Variants in MGAT4C observed in about 807,000 individuals in gnomAD.
The protein encoded by MGAT4C is MGAT4 family member C, also known as alpha-1,3-mannosyl-glycoprotein 4-beta-N-acetylglucosaminyltransferase C.
MGAT4C carries 19 observed loss-of-function variants against 40.1 expected under a neutral mutation model. The ratio of observed to expected loss-of-function variants is 0.47; its 90% CI spans 0.33 to 0.70. MGAT4C has a LOEUF of 0.70. MGAT4C is among the 30% of genes least tolerant of loss of function. The probability of loss-of-function intolerance (pLI) is 0.02; values close to 1 mark genes in which losing one functional copy is unlikely to be tolerated. For synonymous variants in MGAT4C, 181 were observed against 187.1 expected, an observed-to-expected ratio of 0.97 and a Z score of 0.27; for missense variants, 491 against 563.2, an observed-to-expected ratio of 0.87 and a Z score of 1.30.
intron 1 of MGAT4C, among the ~76,000 whole-genome samples, chr12:86,814,990 T>C (rs1033774975): frequency 2.0e-5 from 3 of 151,948 alleles, no homozygotes; most frequent in Non-Finnish European, 4.4e-5. Flanking sequence ...AAATCAATTA[T>C]AAAATGAAAA....
chr12:86,724,708 C>T (rs1361678938), intron 2 of MGAT4C, among the ~76,000 whole-genome samples: 1 of 152,168 alleles, frequency 6.6e-6, no homozygotes, highest in Non-Finnish European at 1.5e-5. Context: ...ATAATGTCAA[C>T]ATAAGTTATT....
chr12:86,610,292 TAAC>T (rs1962202016), intron 2 of MGAT4C, among the ~76,000 whole-genome samples: 1 of 152,158 alleles, frequency 6.6e-6, no homozygotes, highest in Non-Finnish European at 1.5e-5. Flanking sequence ...GCTGATAAAT[TAAC>T]TACTATACTT....
At chr12:86,097,470 C>A (rs1874144974) in intron 1 of MGAT4C, among the ~76,000 whole-genome samples, 1 of 151,512 alleles carries the variant, frequency 6.6e-6, no homozygotes, top group Non-Finnish European at 1.5e-5. Context: ...GGACATTACT[C>A]TTTTCAATAT....
rs150458399 is a variant in MGAT4C at position 86,820,106 on chromosome 12, G to A, written c.-262+18560C>T. ...AAAAATAAAGATGCCTTTAATCTGA[G>A]CATCATCTAACAAGATTTAAGATAA... On this transcript the variant is annotated intron_variant, in intron 1 of 7. Coordinates refer to the MGAT4C transcript ENST00000548651. Among the ~76,000 whole-genome samples, 593 of 150,808 alleles carry A rather than the reference G, an allele frequency of 3.9e-3. 2 individuals are homozygous for A. Among genetic ancestry groups the A allele is most frequent in the African/African-American group, 0.014 (580 of 41,434 alleles).
At chr12:86,827,497 T>A (rs1461923793) in intron 1 of MGAT4C, among the ~76,000 whole-genome samples, 3 of 151,440 alleles carry the variant, frequency 2.0e-5, no homozygotes, top group Non-Finnish European at 4.4e-5. Context: ...AAGTCATGAG[T>A]ATACTTGTAG....
chr12:86,811,640 C>A (rs1292215713), intron 1 of MGAT4C, among the ~76,000 whole-genome samples: 1 of 151,446 alleles, frequency 6.6e-6, no homozygotes, highest in Admixed American at 6.6e-5. Context: ...ACGTGCCCAG[C>A]CAGTATTCTA....
chr12:86,120,008 C>A (rs954510634), intron 1 of MGAT4C, among the ~76,000 whole-genome samples: 2 of 151,614 alleles, frequency 1.3e-5, no homozygotes, highest in African/African-American at 4.8e-5. Flanking sequence ...TTATTCAAAT[C>A]TTATTCAAAA....
chr12:85,983,329 A>T (rs1018960244), intron 4 of MGAT4C, among the ~76,000 whole-genome samples, 194 bp downstream of exon 4: 2 of 152,098 alleles, frequency 1.3e-5, no homozygotes, highest in African/African-American at 4.8e-5. Context: ...ATTTTATTTA[A>T]TTTTTTTGTT....
chr12:86,015,235 G>A (rs901215007), intron 2 of MGAT4C, among the ~76,000 whole-genome samples: 5 of 148,038 alleles, frequency 3.4e-5, no homozygotes, highest in South Asian at 2.2e-4. Flanking sequence ...CGGTTTTTCC[G>A]CAATTACTTT....
intron 2 of MGAT4C, among the ~76,000 whole-genome samples, chr12:86,489,233 C>T (rs981375243): frequency 6.6e-6 from 1 of 152,154 alleles, no homozygotes; most frequent in Non-Finnish European, 1.5e-5. Flanking sequence ...AGAGAGGTGG[C>T]TTGACTTCAG....
chr12:86,543,560 C>T (rs1370879852), intron 2 of MGAT4C, among the ~76,000 whole-genome samples: 1 of 151,712 alleles, frequency 6.6e-6, no homozygotes, highest in African/African-American at 2.4e-5. Flanking sequence ...AGTACTTTTT[C>T]CACAATTGCA....
At chr12:86,833,819 G>T (rs1431353621) in intron 1 of MGAT4C, among the ~76,000 whole-genome samples, 3 of 151,780 alleles carry the variant, frequency 2.0e-5, no homozygotes, top group African/African-American at 4.8e-5. Context: ...GGAAGCCTGA[G>T]AAGGGTACAC....
intron 1 of MGAT4C, among the ~76,000 whole-genome samples, chr12:86,799,916 T>C (rs1332435534): frequency 6.6e-6 from 1 of 151,858 alleles, no homozygotes; most frequent in Admixed American, 6.6e-5. Context: ...CATCTTCCTT[T>C]GTGTTATATA....
At chr12:86,135,076 T>C (rs1402810602) in intron 1 of MGAT4C, among the ~76,000 whole-genome samples, 2 of 152,160 alleles carry the variant, frequency 1.3e-5, no homozygotes, top group Admixed American at 1.3e-4. Flanking sequence ...ACTATACCTG[T>C]TTTATTTCTT....
intron 4 of MGAT4C, among the ~76,000 whole-genome samples, chr12:86,296,536 G>A (rs958216870): frequency 3.3e-5 from 5 of 152,212 alleles, no homozygotes; most frequent in Admixed American, 2.6e-4. Context: ...TGCAGGTCCC[G>A]AGGCCTGCCC....
At chr12:86,711,748 G>T (rs930882051) in intron 2 of MGAT4C, among the ~76,000 whole-genome samples, 9 of 152,086 alleles carry the variant, frequency 5.9e-5, no homozygotes, top group Middle Eastern at 3.2e-3. Flanking sequence ...CAAAAACGAA[G>T]AATTTAATAT....
intron 2 of MGAT4C, among the ~76,000 whole-genome samples, chr12:86,504,353 C>T (rs76483801): frequency 0.01 from 1,565 of 152,132 alleles, 18 homozygotes; most frequent in East Asian, 0.045. Flanking sequence ...TTCATAGAAG[C>T]AATTATCCAT....
At chr12:86,049,195 C>T (rs1470657278) in intron 2 of MGAT4C, among the ~76,000 whole-genome samples, 1 of 151,934 alleles carries the variant, frequency 6.6e-6, no homozygotes, top group Admixed American at 6.6e-5. Flanking sequence ...AGCAAAACTA[C>T]TCATTAACAC....
intron 1 of MGAT4C, among the ~76,000 whole-genome samples, chr12:86,205,497 A>G (rs1294165891): frequency 6.6e-6 from 1 of 151,654 alleles, no homozygotes; most frequent in African/African-American, 2.4e-5. Context: ...TTAGTTTAGT[A>G]TCTACATGTA....
Sources: gnomAD v4.1 joint callset for allele counts (sites outside exome capture counted in the v4.1 genomes callset) on GRCh38, gnomAD v4.1.1 for gene constraint, MANE v1.5 for transcripts, NCBI Gene and HGNC (gene_info 2026-07-23, HGNC 2026-07-21) for gene names.